Variants in CAPN13 observed in about 807,000 individuals in gnomAD.
CAPN13 encodes calpain-13.
In CAPN13, 90 loss-of-function variants were observed where a neutral mutation model predicts 98.4. The observed-to-expected ratio is 0.92, with a 90% confidence interval of 0.77 to 1.09. The LOEUF is 1.09. CAPN13 is among the 50% of genes least tolerant of loss of function. CAPN13 has a pLI of 0.00. For missense variants in CAPN13, 887 were observed against 841.3 expected, an observed-to-expected ratio of 1.05 and a Z score of -0.67; for synonymous variants, 330 against 305.5, an observed-to-expected ratio of 1.08 and a Z score of -0.84.
At chr2:30,730,990 G>A (rs1396831836) in intron 21 of CAPN13, among the ~76,000 whole-genome samples, 5 of 152,186 alleles carry the variant, frequency 3.3e-5, no homozygotes, top group African/African-American at 7.2e-5. Context: ...GCAGTGAGAC[G>A]TATATATCTT....
chr2:30,752,254 C>A (rs1397449992), intron 10 of CAPN13, among the ~76,000 whole-genome samples: 2 of 152,212 alleles, frequency 1.3e-5, no homozygotes, highest in Non-Finnish European at 2.9e-5. Context: ...GGAAGGGATG[C>A]ATATGCATCC....
chr2:30,805,469 A>C (rs543551018), intron 1 of CAPN13, among the ~76,000 whole-genome samples: 2 of 152,130 alleles, frequency 1.3e-5, no homozygotes, highest in Admixed American at 6.5e-5. Flanking sequence ...GCTTTGTTTT[A>C]TAGAGAACCC....
Position 30,776,059 on chromosome 2 carries a change from T to C in CAPN13, c.272-14A>G. The C allele has an allele frequency of 3.8e-6, 6 of 1,586,020 alleles. No homozygotes were observed. The highest frequency in any genetic ancestry group is 4.3e-6 in the Non-Finnish European group (5 of 1,159,818). On this transcript the variant is annotated splice_polypyrimidine_tract_variant and intron_variant, in intron 3 of 22. Coordinates refer to ENST00000295055, the MANE Select transcript of CAPN13 (RefSeq NM_144575.3). Reference sequence around the variant, plus strand: ...ACCAGCAGTCAGCTGTGAGGGGAGATAAGCCAGGAAAGGCTGATTGGACAC... The same window carrying C: ...ACCAGCAGTCAGCTGTGAGGGGAGACAAGCCAGGAAAGGCTGATTGGACAC...
chr2:30,746,574 A>G, intron 11 of CAPN13: 1 of 178,952 alleles, frequency 5.6e-6, no homozygotes, highest in Non-Finnish European at 1.2e-5. Flanking sequence ...TGAGGATGTC[A>G]GCCCACACAT....
Position 30,787,157 on chromosome 2 carries a change from G to A in CAPN13, c.169C>T (p.Leu57Phe), listed in dbSNP as rs1226252834. 3 of 1,577,400 alleles carry A rather than the reference G, an allele frequency of 1.9e-6. No homozygotes were observed. The highest frequency in any genetic ancestry group is 2.3e-5 in the East Asian group (1 of 43,064). Residue 57 changes from leucine to phenylalanine, a missense_variant, in exon 2 of 23, where the codon CTC becomes TTC. Physicochemically the swap from Leu to Phe is conservative, Grantham distance 22. Transcript: ENST00000295055. ...GGCCGCTTCCATATCACATTGGAGA[G>A]GCGTTTTTCCTGGAGCAGCTTCTGG... ...IGQKLLQEKRLSNVIWKRPQD... is the reference protein window; with the variant it reads ...IGQKLLQEKRFSNVIWKRPQD...
intron 15 of CAPN13, among the ~76,000 whole-genome samples, chr2:30,739,613 G>A (rs1234205137): frequency 6.6e-6 from 1 of 152,116 alleles, no homozygotes; most frequent in East Asian, 1.9e-4. Flanking sequence ...CAGAGACTCA[G>A]GACACCTCGC....
In CAPN13 at chr2:30,760,590, G is replaced by A. The variant is rs76779025; in HGVS notation, c.775-2453C>T. Reference sequence around the variant, plus strand: ...GCCGATTTCATTTATCTTCCTGTCTGTGTCCCGCCTAGAGGGAGGATGAGC... The same window carrying A: ...GCCGATTTCATTTATCTTCCTGTCTATGTCCCGCCTAGAGGGAGGATGAGC... On this transcript the variant is annotated intron_variant, in intron 7 of 22. Transcript: ENST00000295055. Among the ~76,000 whole-genome samples, 8 of 152,362 alleles carry A rather than the reference G, an allele frequency of 5.3e-5. No individual in the cohort carries two copies. The East Asian group carries it at 1.3e-3, about 26-fold the overall frequency.
chr2:30,725,274 A>T (rs1360686876), intron 22 of CAPN13, among the ~76,000 whole-genome samples: 2 of 151,892 alleles, frequency 1.3e-5, no homozygotes, highest in African/African-American at 4.8e-5. Context: ...ATATTTTAAC[A>T]TAGGTATTGC....
intron 1 of CAPN13, among the ~76,000 whole-genome samples, chr2:30,802,877 A>G (rs1007834056): frequency 1.3e-5 from 2 of 152,094 alleles, no homozygotes; most frequent in Non-Finnish European, 2.9e-5. Context: ...AGCTGTGGGG[A>G]ATCCCCACGC....
intron 7 of CAPN13, among the ~76,000 whole-genome samples, chr2:30,759,030 CCCTCCCTCCCTCCT>C (rs1672654026): frequency 2.4e-5 from 1 of 41,528 alleles, no homozygotes; most frequent in Non-Finnish European, 4.7e-5. Context: ...ATTCTTCCTT[CCCTCCCTCCCTCCT>C]TCCTTCCTTC....
chr2:30,787,436 A>G, intron 1 of CAPN13, 79 bp from the exon 2 acceptor site: 1 of 1,014,212 alleles, frequency 9.9e-7, no homozygotes, highest in Non-Finnish European at 1.4e-6. Flanking sequence ...CCAGATGGGC[A>G]CTCTGATATA....
chr2:30,729,040 A>C (rs1670963015), intron 22 of CAPN13, among the ~76,000 whole-genome samples: 1 of 152,214 alleles, frequency 6.6e-6, no homozygotes, highest in African/African-American at 2.4e-5. Flanking sequence ...AGACAGAGAC[A>C]GGTTTAGTAT....
At chr2:30,772,107 C>CA (rs1169164946) in intron 4 of CAPN13, among the ~76,000 whole-genome samples, 7 of 152,162 alleles carry the variant, frequency 4.6e-5, no homozygotes, top group Non-Finnish European at 8.8e-5. Context: ...TCTCCCTATA[C>CA]AAAGGGGACA....
rs148437016 is a variant in CAPN13, at chr2:30,730,719, C to T, written c.*30+11G>A. ...CCAGGAGGGAAAGACTCCAAAGCTA[C>T]CATGTCTTACCTGAGCCATGGGTCT... On this transcript the variant is annotated intron_variant, in intron 22 of 22. Transcript: ENST00000295055. 44 of 780,618 alleles carry T rather than the reference C, an allele frequency of 5.6e-5. No homozygotes were observed. In the African/African-American group the frequency reaches 5.7e-4, roughly 10 times the overall value. The allele number at this position is 780,618 out of a possible 1,614,324, so 48.4% of individuals were successfully genotyped here. A position where few individuals can be genotyped will look rare whatever the true frequency, so the allele number is the denominator to read the frequency against.
chr2:30,769,494 G>C (rs1267524617), intron 5 of CAPN13, among the ~76,000 whole-genome samples: 2 of 152,056 alleles, frequency 1.3e-5, no homozygotes, highest in African/African-American at 4.8e-5. Context: ...GGGTGTTTAG[G>C]ACAGTGCCCT....
Position 30,743,545 on chromosome 2 carries a change from G to A in CAPN13, c.1283C>T (p.Ser428Phe), listed in dbSNP as rs201525970. 26 of 1,613,690 alleles carry A rather than the reference G, an allele frequency of 1.6e-5. No homozygotes were observed. The highest frequency in any genetic ancestry group is 2.2e-5 in the Non-Finnish European group (26 of 1,179,842). Residue 428 changes from serine to phenylalanine, a missense_variant, in exon 13 of 23, where the codon TCC (serine) becomes TTC (phenylalanine). Coordinates refer to ENST00000295055, the MANE Select transcript of CAPN13 (RefSeq NM_144575.3). ...GCTTTGGACAGTGTTTCTGAACGAG[G>A]AAAAAAACACGGGTGGAAATTTCTC... ...FREKFPPVFF[S>F]SFRNTVQSSN...
intron 22 of CAPN13, among the ~76,000 whole-genome samples, chr2:30,727,609 A>G (rs1287147030): frequency 6.6e-6 from 1 of 152,214 alleles, no homozygotes; most frequent in African/African-American, 2.4e-5. Context: ...CCACAGTGAG[A>G]TATCACTTCA....
chr2:30,787,473 G>T (rs1439957073), intron 1 of CAPN13, 116 bp from the exon 2 acceptor site: 7 of 702,222 alleles, frequency 1.0e-5, no homozygotes, highest in African/African-American at 1.8e-5. Flanking sequence ...CTGAGACTAA[G>T]TCTGCACTGT....
intron 19 of CAPN13, among the ~76,000 whole-genome samples, chr2:30,733,746 T>C (rs1290611110): frequency 6.6e-6 from 1 of 152,348 alleles, no homozygotes; most frequent in East Asian, 1.9e-4. Context: ...GGGAGGATGA[T>C]GGAGACTATC....
Sources: allele counts gnomAD v4.1 joint callset (sites outside exome capture counted in the v4.1 genomes callset), GRCh38; gene constraint gnomAD v4.1.1; transcripts MANE v1.5; gene names NCBI Gene and HGNC (gene_info 2026-07-23, HGNC 2026-07-21).